Variants in BOC observed in about 807,000 individuals in gnomAD.
BOC encodes BOC cell adhesion associated, oncogene regulated.
BOC carries 76 observed loss-of-function variants against 112.0 expected under a neutral mutation model. The ratio of observed to expected loss-of-function variants is 0.68; its 90% CI spans 0.56 to 0.82. BOC has a LOEUF of 0.82. BOC is among the 40% of genes least tolerant of loss of function. BOC has a pLI of 0.00. For missense variants in BOC, 1,309 were observed against 1,511.7 expected, an observed-to-expected ratio of 0.87 and a Z score of 2.22; for synonymous variants, 580 against 599.8, an observed-to-expected ratio of 0.97 and a Z score of 0.48.
intron 4 of BOC, among the ~76,000 whole-genome samples, chr3:113,262,794 GA>G (rs1947032861): frequency 6.6e-6 from 1 of 152,224 alleles, no homozygotes; most frequent in African/African-American, 2.4e-5. Flanking sequence ...TGGGGGTTGA[GA>G]ATTGTGTTGG....
At chr3:113,214,059 G>T (rs115157938) in intron 1 of BOC, among the ~76,000 whole-genome samples, 4 of 152,184 alleles carry the variant, frequency 2.6e-5, no homozygotes, top group Middle Eastern at 3.2e-3. Flanking sequence ...TGTCCCCCAC[G>T]CCATAGGCCA....
At chr3:113,283,739 C>T (rs2107748036) in intron 16 of BOC, 107 bp downstream of exon 16, 2 of 1,088,608 alleles carry the variant, frequency 1.8e-6, no homozygotes, top group East Asian at 2.4e-5. Context: ...AGCCCAAGTC[C>T]CCCAAAGGTC....
Position 113,283,646 on chromosome 3 carries a change from G to A in BOC, c.2656+14G>A, listed in dbSNP as rs150411627. On this transcript the variant is annotated intron_variant, in intron 16 of 19. Transcript: ENST00000682979. ...GGTCTAAGCAAAGTGAGTGAGTGAC[G>A]CTTTCAGTGGGAGGATCCTGGGTGG... is the stretch of plus-strand genomic sequence containing the variant. The A allele has an allele frequency of 3.8e-4, 609 of 1,607,100 alleles. 2 individuals are homozygous for A. In the African/African-American group the frequency reaches 5.6e-3, roughly 15 times the overall value.
At chr3:113,282,637 C>G (rs148381591) in intron 15 of BOC, among the ~76,000 whole-genome samples, 252 of 152,152 alleles carry the variant, frequency 1.7e-3, no homozygotes, top group African/African-American at 5.7e-3. Flanking sequence ...TGGTTTGCGG[C>G]TCTTTAGGAT....
intron 1 of BOC, 90 bp from the exon 2 acceptor site, chr3:113,216,097 T>A: frequency 2.8e-6 from 1 of 354,426 alleles, no homozygotes; most frequent in South Asian, 2.2e-5. Context: ...AAGGACTTAC[T>A]ATGGTTTATA....
In BOC at chr3:113,284,543, G is replaced by A. The variant is rs759135103; in HGVS notation, c.2865G>A (p.Gln955=). The A allele has an allele frequency of 1.7e-5, 28 of 1,613,438 alleles. No individual in the cohort carries two copies. The African/African-American group carries it at 2.7e-4, about 15-fold the overall frequency. Reference sequence around the variant, plus strand: ...GCTACCCGGGCATGAAGCCCCAGCAGCACTGCCCAGGCGAGCTTCAGCAGG... The same window carrying A: ...GCTACCCGGGCATGAAGCCCCAGCAACACTGCCCAGGCGAGCTTCAGCAGG... ...AVGYPGMKPQ[Q]HCPGELQQQS... Residue 955 remains glutamine, a synonymous_variant, in exon 17 of 20, where the codon CAG becomes CAA. Transcript: ENST00000682979.
rs867558388 is a variant in BOC, at chr3:113,249,737, G to A, written c.-66G>A. 21 of 1,322,006 alleles carry A rather than the reference G, an allele frequency of 1.6e-5. No homozygotes were observed. The highest frequency in any genetic ancestry group is 4.2e-5 in the Admixed American group (2 of 47,820). The allele number at this position is 1,322,006 out of a possible 1,614,324, so 81.9% of individuals were successfully genotyped here. ...CTTACAACAGAGTGTTGCCAGGGAC[G>A]GCAGTATCTCTTTGTGTGACCCTGG... On this transcript the variant is annotated 5_prime_UTR_variant, in exon 3 of 20. Transcript: ENST00000682979.
chr3:113,235,216 G>T (rs1336881710), intron 2 of BOC, among the ~76,000 whole-genome samples: 1 of 152,202 alleles, frequency 6.6e-6, no homozygotes, highest in African/African-American at 2.4e-5. Context: ...TAAAGGTTGG[G>T]AAGTAGATGC....
chr3:113,215,164 A>C (rs1939108487), intron 1 of BOC, among the ~76,000 whole-genome samples: 1 of 152,216 alleles, frequency 6.6e-6, no homozygotes, highest in African/African-American at 2.4e-5. Context: ...ACATTTTCAT[A>C]ATTTATGAGG....
intron 6 of BOC, 45 bp downstream of exon 6, chr3:113,270,989 G>A: frequency 6.2e-7 from 1 of 1,612,886 alleles, no homozygotes; most frequent in East Asian, 2.2e-5. Context: ...ATCACTGATG[G>A]AAGGGCTCAC....
intron 19 of BOC, 47 bp from the exon 20 acceptor site, chr3:113,286,628 C>T (rs1256416061): frequency 4.8e-6 from 7 of 1,456,678 alleles, no homozygotes; most frequent in East Asian, 2.5e-5. Flanking sequence ...GGTGTTGGCT[C>T]CTCGGTCAAT....
chr3:113,283,447 C>T lies in BOC; in HGVS notation c.2471C>T (p.Pro824Leu), dbSNP rs1322663626. 3 of 1,611,868 alleles carry T rather than the reference C, an allele frequency of 1.9e-6. No individual in the cohort carries two copies. In the South Asian group the frequency reaches 3.3e-5, roughly 18 times the overall value. The change falls in exon 16 of 20, where the codon CCC becomes CTC. Residue 824 changes from proline (P) to leucine (L), a missense_variant. By Grantham distance (98) the Pro-to-Leu change is moderately conservative (BLOSUM62 -3). Transcript: ENST00000682979. ...KSSGQPGRLP[P>L]PTLAPPQPPL... ...TCTGGCCAGCCTGGTCGACTGCCACCCCCAACTCTGGCCCCACCACAGCCG... is the reference window on the plus strand; with the variant it reads ...TCTGGCCAGCCTGGTCGACTGCCACTCCCAACTCTGGCCCCACCACAGCCG...
chr3:113,268,654 T>G (rs1480915188), intron 5 of BOC, among the ~76,000 whole-genome samples: 1 of 152,228 alleles, frequency 6.6e-6, no homozygotes, highest in South Asian at 2.1e-4. Context: ...TCACCCAAGC[T>G]GGAGTGCAGT....
intron 4 of BOC, among the ~76,000 whole-genome samples, chr3:113,253,841 C>T (rs545968554): frequency 9.1e-4 from 138 of 152,316 alleles, no homozygotes; most frequent in African/African-American, 3.0e-3. Context: ...TTTAGCAATG[C>T]GTGTGCCCTT....
In BOC at chr3:113,286,914, A is replaced by AT; in HGVS notation, c.*52_*53insT. The stretch of plus-strand genomic sequence containing the variant: ...ATATATTGTTTTTTTTTTAAAAAAA[A>AT]AAAGAAGAAAAAAGAGACAGAGAAA... On this transcript the variant is annotated 3_prime_UTR_variant, in exon 20 of 20. Coordinates refer to ENST00000682979, the MANE Select transcript of BOC (RefSeq NM_001378074.1). 6.9e-7 allele frequency: 1 copy of AT among 1,442,116 alleles called. No homozygotes were observed. Among genetic ancestry groups the AT allele is most frequent in the Non-Finnish European group, 9.3e-7 (1 of 1,074,390 alleles). The allele number at this position is 1,442,116 out of a possible 1,614,324, so 89.3% of individuals were successfully genotyped here. A position where few individuals can be genotyped will look rare whatever the true frequency, so the allele number is the denominator to read the frequency against.
At chr3:113,279,579 C>T in intron 12 of BOC, 124 bp downstream of exon 12, 2 of 972,294 alleles carry the variant, frequency 2.1e-6, no homozygotes, top group South Asian at 3.2e-5. Context: ...AGCATGCCTC[C>T]ATGTTGCTGT....
intron 4 of BOC, among the ~76,000 whole-genome samples, chr3:113,252,693 G>A (rs189319873): frequency 6.6e-6 from 1 of 152,312 alleles, no homozygotes; most frequent in Admixed American, 6.5e-5. Context: ...AAGGCAGAGT[G>A]TGTCCTCAGC....
At chr3:113,213,133 A>G (rs1938577093) in intron 1 of BOC, among the ~76,000 whole-genome samples, 1 of 152,176 alleles carries the variant, frequency 6.6e-6, no homozygotes, top group Admixed American at 6.5e-5. Flanking sequence ...CACACCAGCA[A>G]TCCCAAACTG....
chr3:113,272,690 T>C lies in BOC; in HGVS notation c.948T>C (p.Asn316=), dbSNP rs1948253327. ...CCGGGGCAGCGGTCATCCTCTACAATGTCCAGGTGTTTGGTGAGTGTCTGC... is the reference window on the plus strand; with the variant it reads ...CCGGGGCAGCGGTCATCCTCTACAACGTCCAGGTGTTTGGTGAGTGTCTGC... ...GQPGAAVILY[N]VQVFEPPEVT... is the part of the protein sequence containing the mutation. The change falls in exon 7 of 20, where the codon AAT becomes AAC. Residue 316 remains asparagine, a synonymous_variant. Transcript: ENST00000682979. The C allele has an allele frequency of 1.2e-6, 2 of 1,613,416 alleles. No individual in the cohort carries two copies. The highest frequency in any genetic ancestry group is 2.2e-5 in the East Asian group (1 of 44,808).
Sources: allele counts gnomAD v4.1 joint callset (sites outside exome capture counted in the v4.1 genomes callset), GRCh38; gene constraint gnomAD v4.1.1; transcripts MANE v1.5; gene names NCBI Gene and HGNC (gene_info 2026-07-23, HGNC 2026-07-21).